Variants in ZNG1A observed in about 807,000 individuals in gnomAD.
ZNG1A encodes the protein Zn regulated GTPase metalloprotein activator 1A, also known as zinc-regulated GTPase metalloprotein activator 1A.
the ZNG1A span, chr9:177,636 C>T: frequency 1.3e-6 from 2 of 1,491,328 alleles, no homozygotes; most frequent in South Asian, 1.2e-5. Context: ...AGGAGTGAAA[C>T]TATCCCTAGA....
the ZNG1A span, chr9:178,894 C>G: frequency 2.6e-6 from 3 of 1,152,068 alleles, 1 homozygote; most frequent in African/African-American, 2.9e-5. Context: ...TGCGTCGTCT[C>G]AATGGGAACC....
the ZNG1A span, chr9:150,934 T>C: frequency 1.0e-6 from 1 of 981,512 alleles, no homozygotes. Flanking sequence ...TAAAAGCTTG[T>C]TTAAGTATTA....
the ZNG1A span, chr9:147,525 T>C: frequency 7.7e-6 from 1 of 130,338 alleles, no homozygotes; most frequent in Admixed American, 7.5e-5. Context: ...GAGAGACAAA[T>C]TCCCATCTTA....
At chr9:150,632 A>G in the ZNG1A span, 1 of 982,764 alleles carries the variant, frequency 1.0e-6, no homozygotes, top group Non-Finnish European at 1.2e-6. Flanking sequence ...TGCACTGGCA[A>G]GCACCATACA....
chr9:163,054 G>A, the ZNG1A span, among the ~76,000 whole-genome samples: 89,512 of 141,060 alleles, frequency 0.63, 27,974 homozygotes, highest in South Asian at 0.69. Context: ...GTTTAATTAT[G>A]CCTAAGGAAT....
At chr9:127,164 A>G in the ZNG1A span, among the ~76,000 whole-genome samples, 64 of 152,158 alleles carry the variant, frequency 4.2e-4, 1 homozygote, top group Non-Finnish European at 5.1e-4. Context: ...TGGTTGTTGG[A>G]TGGAATATTC....
At chr9:169,813 C>A in the ZNG1A span, among the ~76,000 whole-genome samples, 2 of 136,140 alleles carry the variant, frequency 1.5e-5, no homozygotes, top group African/African-American at 5.5e-5. Flanking sequence ...TTAGACAATT[C>A]TATTACACAT....
At chr9:161,195 G>A in the ZNG1A span, among the ~76,000 whole-genome samples, 20 of 152,240 alleles carry the variant, frequency 1.3e-4, no homozygotes, top group Non-Finnish European at 2.6e-4. Flanking sequence ...CAGGCCGGGC[G>A]TGGTGGCTCA....
the ZNG1A span, among the ~76,000 whole-genome samples, chr9:124,048 T>C: frequency 1.3e-5 from 2 of 152,016 alleles, no homozygotes; most frequent in East Asian, 3.8e-4. Context: ...AGGAGAAGAG[T>C]TCTTAGCGAT....
the ZNG1A span, among the ~76,000 whole-genome samples, chr9:174,329 T>G: frequency 6.6e-6 from 1 of 152,036 alleles, no homozygotes; most frequent in Non-Finnish European, 1.5e-5. Context: ...ACTAAGCAAA[T>G]GAGCTCCCAT....
chr9:120,862 T>A, the ZNG1A span, among the ~76,000 whole-genome samples: 1 of 152,224 alleles, frequency 6.6e-6, no homozygotes, highest in African/African-American at 2.4e-5. Flanking sequence ...TTTCAATTAA[T>A]CATGTAGACC....
At chr9:150,645 G>A in the ZNG1A span, 2 of 982,652 alleles carry the variant, frequency 2.0e-6, no homozygotes, top group Non-Finnish European at 1.2e-6. Flanking sequence ...ACCATACACT[G>A]AATAATTCAC....
the ZNG1A span, among the ~76,000 whole-genome samples, chr9:126,937 T>C: frequency 6.6e-6 from 1 of 152,172 alleles, no homozygotes; most frequent in Non-Finnish European, 1.5e-5. Context: ...GATTTCATCT[T>C]TGACCCACTG....
the ZNG1A span, among the ~76,000 whole-genome samples, chr9:174,967 T>G: frequency 6.6e-6 from 1 of 151,818 alleles, no homozygotes; most frequent in South Asian, 2.1e-4. Context: ...ATATTGAGTT[T>G]TAACTGCATT....
At chr9:139,896 G>T in the ZNG1A span, among the ~76,000 whole-genome samples, 2 of 151,018 alleles carry the variant, frequency 1.3e-5, no homozygotes, top group Non-Finnish European at 2.9e-5. Flanking sequence ...AAAGAAAGGG[G>T]TGACAGACGG....
the ZNG1A span, among the ~76,000 whole-genome samples, chr9:176,357 C>T: frequency 7.0e-6 from 1 of 143,042 alleles, no homozygotes; most frequent in South Asian, 2.3e-4. Flanking sequence ...ATCCTAACTG[C>T]ATAGTATTGT....
At chr9:142,402 T>A in the ZNG1A span, among the ~76,000 whole-genome samples, 1 of 109,970 alleles carries the variant, frequency 9.1e-6, no homozygotes, top group Non-Finnish European at 1.8e-5. Flanking sequence ...TCAAAACCGC[T>A]CAACTACATG....
the ZNG1A span, chr9:160,050 C>T: frequency 2.2e-6 from 1 of 454,442 alleles, no homozygotes; most frequent in Non-Finnish European, 4.4e-6. Context: ...AATGCTGTCA[C>T]ATTTGTGGAA....
At chr9:163,830 T>G in the ZNG1A span, 2 of 1,105,086 alleles carry the variant, frequency 1.8e-6, no homozygotes, top group East Asian at 2.5e-5. Context: ...GGCAAGAGAA[T>G]CACTTGAACC....
Sources: gnomAD v4.1 joint callset for allele counts (sites outside exome capture counted in the v4.1 genomes callset) on GRCh38, gnomAD v4.1.1 for gene constraint, MANE v1.5 for transcripts, NCBI Gene and HGNC (gene_info 2026-07-23, HGNC 2026-07-21) for gene names.